SLC9A7: variants seen among roughly 807,000 people sequenced by gnomAD.
SLC9A7 encodes solute carrier family 9 member A7, also known as sodium/hydrogen exchanger 7.
In SLC9A7, 19 loss-of-function variants were observed where a neutral mutation model predicts 52.6. The observed-to-expected ratio is 0.36, with a 90% confidence interval of 0.25 to 0.53. The LOEUF (loss-of-function observed/expected upper bound fraction) is 0.53, where lower values mean the gene tolerates loss of function less well. SLC9A7 is among the 20% of genes least tolerant of loss of function. The pLI is 0.91. For missense variants in SLC9A7, 455 were observed against 597.9 expected (o/e 0.76, Z 2.49); for synonymous variants, 226 against 252.1 (o/e 0.90, Z 0.98).
At chrX:46,702,296 A>T (rs1944542582) in intron 1 of SLC9A7, among the ~76,000 whole-genome samples, 1 of 111,249 alleles carries the variant, frequency 9.0e-6, no homozygotes, top group South Asian at 3.8e-4. Flanking sequence ...ATATAATTTC[A>T]ACTTTTATTT....
intron 1 of SLC9A7, among the ~76,000 whole-genome samples, chrX:46,701,593 A>C (rs1944532789): frequency 9.0e-6 from 1 of 110,787 alleles, no homozygotes; most frequent in Non-Finnish European, 1.9e-5. Flanking sequence ...TCTCAAAAAC[A>C]AACAAACAAA....
chrX:46,631,304 C>T (rs756198984), intron 14 of SLC9A7, among the ~76,000 whole-genome samples: 57 of 112,143 alleles, frequency 5.1e-4, no homozygotes, highest in Non-Finnish European at 9.2e-4. Context: ...GAACCAATAT[C>T]CACTATTGAA....
At chrX:46,666,870 G>A (rs1204959323) in intron 5 of SLC9A7, among the ~76,000 whole-genome samples, 2 of 111,702 alleles carry the variant, frequency 1.8e-5, no homozygotes, top group East Asian at 2.8e-4. Flanking sequence ...ACACATTTTC[G>A]GACAGACTAA....
chrX:46,627,861 AT>A (rs1943158635), intron 14 of SLC9A7, among the ~76,000 whole-genome samples: 1 of 110,251 alleles, frequency 9.1e-6, no homozygotes, highest in Admixed American at 9.7e-5. Flanking sequence ...TAGGTGACAG[AT>A]TTACGGGTAT....
At chrX:46,708,247 G>C (rs1944634437) in intron 1 of SLC9A7, among the ~76,000 whole-genome samples, 1 of 112,009 alleles carries the variant, frequency 8.9e-6, no homozygotes, top group Admixed American at 9.4e-5. Context: ...GGTACTCAAG[G>C]CCAGGCATGG....
rs1456506580 is a variant in SLC9A7, at chrX:46,606,727, T to C, written c.*225A>G. On this transcript the variant is annotated 3_prime_UTR_variant, in exon 17 of 17. Transcript: ENST00000616978. ...AACTCTGAAACAGCGCACTACTATGTGAAAAAAGTGGGAATAGGTCTACGT... is the reference window on the plus strand; with the variant it reads ...AACTCTGAAACAGCGCACTACTATGCGAAAAAAGTGGGAATAGGTCTACGT... 5.6e-6 allele frequency: 6 copies of C among 1,070,478 alleles called. No homozygotes were observed. The highest frequency in any genetic ancestry group is 7.9e-5 in the Admixed American group (2 of 25,198). 88.2% of individuals were successfully genotyped at this position (1,070,478 alleles called of 1,213,427 possible).
intron 7 of SLC9A7, among the ~76,000 whole-genome samples, chrX:46,658,837 A>G (rs1303674767): frequency 9.1e-6 from 1 of 110,073 alleles, no homozygotes; most frequent in Non-Finnish European, 1.9e-5. Context: ...TATTCCAATC[A>G]ATAGAAAAAG....
In SLC9A7 at chrX:46,654,013, A is replaced by G. The variant is rs1250171837; in HGVS notation, c.1042-299T>C. 4.5e-5 allele frequency among the ~76,000 whole-genome samples: 5 copies of G among 111,564 alleles called. No homozygotes were observed. The South Asian group carries it at 1.5e-3, about 34-fold the overall frequency. On this transcript the variant is annotated intron_variant, in intron 7 of 16. Transcript: ENST00000616978. Reference sequence around the variant, plus strand: ...TGAAAGTAGACAGGGAGATGGCTACATGACATTGTGAATGCGGAATTGTGC... The same window carrying G: ...TGAAAGTAGACAGGGAGATGGCTACGTGACATTGTGAATGCGGAATTGTGC...
chrX:46,737,345 A>C (rs1239126497), intron 1 of SLC9A7, among the ~76,000 whole-genome samples: 4 of 111,776 alleles, frequency 3.6e-5, no homozygotes, highest in Middle Eastern at 4.6e-3. Flanking sequence ...ATTCATTACA[A>C]ATTTCTGGTT....
chrX:46,745,478 A>AGGAGGC lies in SLC9A7; in HGVS notation c.325+13226_325+13227insGCCTCC, dbSNP rs746152684. ...TGGGCCATTCAAAGGAAAAAAATTG[A>AGGAGGC]TAGAAACTATCCCTGAGGAGGCTGA... On this transcript the variant is annotated intron_variant, in intron 1 of 16. Transcript: ENST00000616978. Among the ~76,000 whole-genome samples the AGGAGGC allele has an allele frequency of 2.9e-4, 32 of 112,060 alleles. No homozygotes were observed. In the South Asian group the frequency reaches 0.012, roughly 42 times the overall value.
chrX:46,633,211 T>C (rs775138074), intron 13 of SLC9A7, among the ~76,000 whole-genome samples: 1 of 106,868 alleles, frequency 9.4e-6, no homozygotes, highest in Admixed American at 1.0e-4. Flanking sequence ...TCCTGGGCCC[T>C]GCCACAGACA....
intron 12 of SLC9A7, among the ~76,000 whole-genome samples, chrX:46,637,393 G>T (rs951639196): frequency 8.9e-6 from 1 of 112,474 alleles, no homozygotes. Flanking sequence ...TACATAAAGA[G>T]CTCAGGGCTT....
Position 46,600,502 on chromosome X carries a change from G to A in SLC9A7, c.*6450C>T, listed in dbSNP as rs1340178457. On this transcript the variant is annotated 3_prime_UTR_variant, in exon 17 of 17. Transcript: ENST00000616978. ...GCCCTTCCTTCTCATCTTCTCCAAGGCTCAGGTAGCAGAAAACCGGCTGCC... is the reference window on the plus strand; with the variant it reads ...GCCCTTCCTTCTCATCTTCTCCAAGACTCAGGTAGCAGAAAACCGGCTGCC... 1 of 111,695 alleles carries A rather than the reference G, an allele frequency of 9.0e-6. No homozygotes were observed. The highest frequency in any genetic ancestry group is 1.9e-5 in the Non-Finnish European group (1 of 53,155). The allele number at this position is 111,695 out of a possible 1,213,427, so 9.2% of individuals were successfully genotyped here.
intron 1 of SLC9A7, among the ~76,000 whole-genome samples, chrX:46,747,814 C>G (rs1921891818): frequency 9.0e-6 from 1 of 111,696 alleles, no homozygotes; most frequent in African/African-American, 3.3e-5. Flanking sequence ...TAGGGGAATA[C>G]AAGTCAAAGC....
chrX:46,710,542 A>G (rs1229917753), intron 1 of SLC9A7, among the ~76,000 whole-genome samples: 1 of 110,907 alleles, frequency 9.0e-6, no homozygotes, highest in Non-Finnish European at 1.9e-5. Context: ...AATGTGACTC[A>G]CCTGGAATGC....
chrX:46,689,397 C>T (rs971784999), intron 1 of SLC9A7, among the ~76,000 whole-genome samples: 1 of 111,937 alleles, frequency 8.9e-6, no homozygotes, highest in Non-Finnish European at 1.9e-5. Context: ...CACTCACCTA[C>T]TGAGGGATAT....
At position 46,628,584 on chromosome X, in the gene SLC9A7, T is replaced by C. The variant is rs182350231; in HGVS notation, c.1740+3002A>G. 2.0e-3 allele frequency among the ~76,000 whole-genome samples: 223 copies of C among 112,534 alleles called. 1 individual carries two copies. Among genetic ancestry groups the C allele is most frequent in the Non-Finnish European group, 3.3e-3 (177 of 53,267 alleles). On this transcript the variant is annotated intron_variant, in intron 14 of 16. Coordinates refer to ENST00000616978, the MANE Select transcript of SLC9A7 (RefSeq NM_001257291.2). ...CTAGCCATGACTCTGTTTATAGCCT[T>C]GGGCTTCAAGACCAGTGAGGAGAAT... is the stretch of plus-strand genomic sequence containing the variant.
chrX:46,620,324 A>T (rs1943024395), intron 15 of SLC9A7, among the ~76,000 whole-genome samples: 1 of 111,106 alleles, frequency 9.0e-6, no homozygotes, highest in Non-Finnish European at 1.9e-5. Context: ...TGGGAGGCTG[A>T]GGTGGGAGAT....
In SLC9A7 at chrX:46,651,218, A is replaced by C; in HGVS notation, c.1242T>G (p.Phe414Leu). The change falls in exon 10 of 17, where the codon TTT becomes TTG. Residue 414 changes from phenylalanine (F) to leucine (L), a missense_variant. Physicochemically the swap from Phe to Leu is conservative, Grantham distance 22. Transcript: ENST00000616978. ...VESRSRTKQL[F>L]EVLHFLAENF... is the part of the protein sequence containing the mutation. The stretch of plus-strand genomic sequence containing the variant: ...TCTCTGCCAGGAAATGTAACACCTC[A>C]AAGAGCTGCACAGAGAAGGGAAAAG... 1 of 1,197,225 alleles carries C rather than the reference A, an allele frequency of 8.4e-7. No homozygotes were observed. Among genetic ancestry groups the C allele is most frequent in the Non-Finnish European group, 1.1e-6 (1 of 883,268 alleles).
Sources: gnomAD v4.1 joint callset for allele counts (sites outside exome capture counted in the v4.1 genomes callset) on GRCh38, gnomAD v4.1.1 for gene constraint, MANE v1.5 for transcripts, NCBI Gene and HGNC (gene_info 2026-07-23, HGNC 2026-07-21) for gene names.